Variants in ALPK1 observed in about 807,000 individuals in gnomAD.
ALPK1 encodes the protein alpha-protein kinase 1.
In ALPK1, 110 loss-of-function variants were observed where a neutral mutation model predicts 120.6. That is an observed-to-expected ratio of 0.91 (90% CI 0.78 to 1.07). The LOEUF is 1.07. Ranked by LOEUF, ALPK1 falls within the 50% of genes least tolerant of loss-of-function variation. The probability of loss-of-function intolerance (pLI) is 0.00; values close to 1 mark genes in which losing one functional copy is unlikely to be tolerated. For missense variants in ALPK1, 1,498 were observed against 1,483.9 expected, an observed-to-expected ratio of 1.01 and a Z score of -0.16; for synonymous variants, 582 against 560.3, an observed-to-expected ratio of 1.04 and a Z score of -0.55.
At chr4:112,429,089 G>A in intron 9 of ALPK1, 60 bp from the exon 10 acceptor site, 1 of 1,450,690 alleles carries the variant, frequency 6.9e-7, no homozygotes, top group Non-Finnish European at 9.7e-7. Context: ...TTCATAGCCT[G>A]TTTTTTGCTC....
chr4:112,337,666 C>T (rs1003128938), intron 2 of ALPK1, among the ~76,000 whole-genome samples: 1 of 152,004 alleles, frequency 6.6e-6, no homozygotes, highest in Non-Finnish European at 1.5e-5. Flanking sequence ...TCATGCCACT[C>T]CATTCCAGCC....
chr4:112,402,096 A>G (rs1466840008), intron 4 of ALPK1, among the ~76,000 whole-genome samples: 4 of 152,234 alleles, frequency 2.6e-5, no homozygotes, highest in African/African-American at 9.6e-5. Context: ...TGCAGGCGTC[A>G]ATCACTTTTC....
intron 2 of ALPK1, among the ~76,000 whole-genome samples, chr4:112,354,860 TCTC>T (rs1198161529): frequency 9.2e-5 from 14 of 152,318 alleles, no homozygotes; most frequent in Admixed American, 5.2e-4. Context: ...AACACTGTGC[TCTC>T]CTCATTATTT....
intron 4 of ALPK1, chr4:112,411,174 G>C (rs2148748660): frequency 6.4e-6 from 1 of 155,046 alleles, no homozygotes; most frequent in East Asian, 1.9e-4. Context: ...GAAGAAATAA[G>C]ATAAGGGATG....
chr4:112,403,981 T>G (rs1198705532), intron 4 of ALPK1, among the ~76,000 whole-genome samples: 1 of 152,264 alleles, frequency 6.6e-6, no homozygotes, highest in East Asian at 1.9e-4. Flanking sequence ...ATTCCTCCAT[T>G]GGCGACAGCC....
intron 2 of ALPK1, among the ~76,000 whole-genome samples, chr4:112,328,650 G>A (rs779120776): frequency 7.2e-5 from 11 of 152,152 alleles, no homozygotes; most frequent in Non-Finnish European, 1.5e-5. Context: ...TAATACTTTT[G>A]TGTAATCTCT....
chr4:112,410,304 A>C (rs1049355770), intron 4 of ALPK1, among the ~76,000 whole-genome samples: 2 of 152,114 alleles, frequency 1.3e-5, no homozygotes, highest in Non-Finnish European at 2.9e-5. Context: ...CCTGTGTTCA[A>C]ACCCCAGCTC....
Position 112,431,712 on chromosome 4 carries a change from G to T in ALPK1, c.2165G>T (p.Trp722Leu). Residue 722 changes from tryptophan to leucine, a missense_variant, in exon 11 of 16, where the codon TGG becomes TTG. By Grantham distance (61) the Trp-to-Leu change is moderately conservative. Transcript: ENST00000650871. ...AGACCCTCATATCGTTCTGCTTCTT[G>T]GTCTTCTGATTCTGGTAGGCCCAAG... ...HSRPSYRSAS[W>L]SSDSGRPKNM... is the part of the protein sequence containing the mutation. 1 of 1,614,186 alleles carries T rather than the reference G, an allele frequency of 6.2e-7. No homozygotes were observed. The highest frequency in any genetic ancestry group is 1.1e-5 in the South Asian group (1 of 91,076).
chr4:112,434,483 C>CA (rs2148765146), intron 11 of ALPK1, among the ~76,000 whole-genome samples: 1 of 152,360 alleles, frequency 6.6e-6, no homozygotes, highest in Non-Finnish European at 1.5e-5. Flanking sequence ...CAAAGTGTTG[C>CA]ACTCCTTCCT....
chr4:112,398,753 A>G (rs1447931978), intron 4 of ALPK1, among the ~76,000 whole-genome samples: 1 of 152,180 alleles, frequency 6.6e-6, no homozygotes, highest in African/African-American at 2.4e-5. Flanking sequence ...TCCAAGCAAG[A>G]CTGTAACAGT....
At chr4:112,412,421 C>G in intron 5 of ALPK1, 1 of 462,316 alleles carries the variant, frequency 2.2e-6, no homozygotes, top group South Asian at 1.5e-5. Flanking sequence ...TCTGTAGGAC[C>G]ACTTGACTAA....
chr4:112,430,517 C>G lies in ALPK1; in HGVS notation c.970C>G (p.His324Asp). 6.2e-7 allele frequency: 1 copy of G among 1,614,070 alleles called. No individual in the cohort carries two copies. Among genetic ancestry groups the G allele is most frequent in the Non-Finnish European group, 8.5e-7 (1 of 1,180,014 alleles). Residue 324 changes from histidine to aspartate, a missense_variant, in exon 11 of 16, where the codon CAT becomes GAT. His to Asp is a moderately conservative substitution (Grantham distance 81). Transcript: ENST00000650871. ...NDCPPELKNL[H>D]LCEAKEAFEI... ...CTGTCCTCCAGAATTGAAAAACTTACATCTGTGTGAAGCCAAAGAGGCCTT... is the reference window on the plus strand; with the variant it reads ...CTGTCCTCCAGAATTGAAAAACTTAGATCTGTGTGAAGCCAAAGAGGCCTT...
At chr4:112,336,034 C>T (rs183591546) in intron 2 of ALPK1, among the ~76,000 whole-genome samples, 2 of 151,966 alleles carry the variant, frequency 1.3e-5, no homozygotes, top group Non-Finnish European at 2.9e-5. Context: ...AATCCATGCC[C>T]TTGGCTGGAG....
At chr4:112,414,114 C>T (rs1733620269) in intron 5 of ALPK1, 2 of 370,070 alleles carry the variant, frequency 5.4e-6, no homozygotes, top group Admixed American at 2.7e-5. Context: ...AAAGGAGGCT[C>T]TCAGGCCCAG....
chr4:112,319,685 T>C (rs183954485), intron 2 of ALPK1, among the ~76,000 whole-genome samples: 7 of 152,354 alleles, frequency 4.6e-5, no homozygotes, highest in African/African-American at 1.7e-4. Flanking sequence ...GCATGGGATG[T>C]GTTTCCATTT....
intron 2 of ALPK1, among the ~76,000 whole-genome samples, chr4:112,341,394 C>T (rs1040784498): frequency 6.6e-6 from 1 of 152,168 alleles, no homozygotes; most frequent in African/African-American, 2.4e-5. Flanking sequence ...TAGGTGATGG[C>T]TTCTTTTGGC....
At chr4:112,298,302 TTG>T (rs1423982047) in intron 1 of ALPK1, among the ~76,000 whole-genome samples, 1 of 151,998 alleles carries the variant, frequency 6.6e-6, no homozygotes, top group Non-Finnish European at 1.5e-5. Context: ...TCTTTTTACT[TTG>T]TGCCACTAAT....
chr4:112,298,765 C>T (rs1727655289), intron 1 of ALPK1, among the ~76,000 whole-genome samples: 1 of 152,148 alleles, frequency 6.6e-6, no homozygotes, highest in Admixed American at 6.6e-5. Context: ...CAATACCTCC[C>T]AGCAAGTGCC....
intron 2 of ALPK1, among the ~76,000 whole-genome samples, chr4:112,347,048 A>G (rs1560646706): frequency 6.6e-6 from 1 of 152,212 alleles, no homozygotes; most frequent in Non-Finnish European, 1.5e-5. Flanking sequence ...TGTAGCTCGA[A>G]TAAGGTCAAA....
Sources: gnomAD v4.1 joint callset for allele counts (sites outside exome capture counted in the v4.1 genomes callset) on GRCh38, gnomAD v4.1.1 for gene constraint, MANE v1.5 for transcripts, NCBI Gene and HGNC (gene_info 2026-07-23, HGNC 2026-07-21) for gene names.